AUTS2: variants seen among roughly 807,000 people sequenced by gnomAD.
AUTS2 encodes autism susceptibility gene 2 protein.
Under a neutral mutation model 112.4 loss-of-function variants are expected in AUTS2, and 17 were observed. That is an observed-to-expected ratio of 0.15 (90% CI 0.10 to 0.23). The LOEUF (loss-of-function observed/expected upper bound fraction) is 0.23. Among genes scored for constraint, AUTS2 ranks in the 10% least tolerant of loss-of-function variants. The probability of loss-of-function intolerance (pLI) is 1.00; values close to 1 mark genes in which losing one functional copy is unlikely to be tolerated. For synonymous variants in AUTS2, 751 were observed against 702.7 expected (o/e 1.07, Z -1.09); for missense variants, 1,510 against 1,701.6 (o/e 0.89, Z 1.98).
In AUTS2 at chr7:70,557,249, T is replaced by C. The variant is rs1452040131; in HGVS notation, c.690+121468T>C. ...CCTGCCGGATGCACAATTTTGTTCTTTTCCCTGCTGGCTAGGATTTGCAGG... is the reference window on the plus strand; with the variant it reads ...CCTGCCGGATGCACAATTTTGTTCTCTTCCCTGCTGGCTAGGATTTGCAGG... On this transcript the variant is annotated intron_variant, in intron 5 of 18. Coordinates refer to ENST00000342771, the MANE Select transcript of AUTS2 (RefSeq NM_015570.4). Among the ~76,000 whole-genome samples, 3 of 152,186 alleles carry C rather than the reference T, an allele frequency of 2.0e-5. No individual in the cohort carries two copies. The East Asian group carries it at 5.8e-4, about 29-fold the overall frequency.
chr7:70,644,477 T>C (rs1291253583), intron 5 of AUTS2, among the ~76,000 whole-genome samples: 1 of 152,144 alleles, frequency 6.6e-6, no homozygotes, highest in East Asian at 1.9e-4. Context: ...TGACTGCCAT[T>C]CTGCGCTCTC....
intron 2 of AUTS2, among the ~76,000 whole-genome samples, chr7:70,063,761 G>A (rs1176100969): frequency 6.6e-6 from 1 of 152,114 alleles, no homozygotes; most frequent in African/African-American, 2.4e-5. Context: ...AAGAGCTCAG[G>A]ATCCTGCTCA....
intron 4 of AUTS2, among the ~76,000 whole-genome samples, chr7:70,138,383 G>A (rs1054684508): frequency 6.6e-6 from 1 of 152,200 alleles, no homozygotes; most frequent in African/African-American, 2.4e-5. Context: ...TTGACTCCAT[G>A]TGGAGTTGGG....
At chr7:70,258,971 G>A (rs1039574540) in intron 4 of AUTS2, among the ~76,000 whole-genome samples, 4 of 152,188 alleles carry the variant, frequency 2.6e-5, no homozygotes, top group Admixed American at 2.0e-4. Flanking sequence ...ACCCAGCATC[G>A]GGCCCTCCAG....
chr7:69,722,793 A>C (rs1007575053), intron 1 of AUTS2, among the ~76,000 whole-genome samples: 1 of 152,004 alleles, frequency 6.6e-6, no homozygotes, highest in Non-Finnish European at 1.5e-5. Flanking sequence ...TTTCATTTGA[A>C]ATATTGGGTA....
At chr7:70,007,759 G>C (rs942415826) in intron 2 of AUTS2, among the ~76,000 whole-genome samples, 4 of 152,170 alleles carry the variant, frequency 2.6e-5, no homozygotes, top group African/African-American at 7.2e-5. Flanking sequence ...AGCTCATGCT[G>C]TTTGTCATTT....
At chr7:70,686,866 G>A (rs1342290446) in intron 5 of AUTS2, among the ~76,000 whole-genome samples, 4 of 152,120 alleles carry the variant, frequency 2.6e-5, no homozygotes, top group African/African-American at 9.7e-5. Flanking sequence ...TCATTTATTT[G>A]TTTTTAAATC....
intron 4 of AUTS2, among the ~76,000 whole-genome samples, chr7:70,137,919 C>A (rs6460537): frequency 0.3 from 45,208 of 151,966 alleles, 7,028 homozygotes; most frequent in African/African-American, 0.38. Flanking sequence ...AGGAGCACAG[C>A]TTTTGTATTT....
intron 4 of AUTS2, among the ~76,000 whole-genome samples, chr7:70,351,752 C>T (rs1791777474): frequency 2.0e-5 from 3 of 148,486 alleles, no homozygotes; most frequent in South Asian, 2.2e-4. Context: ...CCCAGGCTGG[C>T]GTGCAGTGGT....
intron 1 of AUTS2, among the ~76,000 whole-genome samples, chr7:69,630,966 T>C (rs1483938219): frequency 1.3e-5 from 2 of 152,170 alleles, no homozygotes; most frequent in Non-Finnish European, 2.9e-5. Flanking sequence ...CCATTTGTTC[T>C]TACTCATTTA....
chr7:70,695,776 C>CA (rs1307999367), intron 5 of AUTS2, among the ~76,000 whole-genome samples: 4 of 151,654 alleles, frequency 2.6e-5, no homozygotes, highest in Non-Finnish European at 5.9e-5. Context: ...TTTTTACATC[C>CA]AAAAAAACAA....
At chr7:69,730,664 C>T (rs1282473271) in intron 1 of AUTS2, among the ~76,000 whole-genome samples, 1 of 152,158 alleles carries the variant, frequency 6.6e-6, no homozygotes, top group African/African-American at 2.4e-5. Flanking sequence ...GCACTTAAGC[C>T]TTCTCTTAAG....
At chr7:69,984,567 T>A (rs556178195) in intron 2 of AUTS2, among the ~76,000 whole-genome samples, 1 of 152,282 alleles carries the variant, frequency 6.6e-6, no homozygotes, top group South Asian at 2.1e-4. Flanking sequence ...ATTATCATAT[T>A]AGCTTCAAGA....
chr7:70,354,159 C>G (rs1791887931), intron 4 of AUTS2, among the ~76,000 whole-genome samples: 1 of 152,206 alleles, frequency 6.6e-6, no homozygotes, highest in African/African-American at 2.4e-5. Context: ...GTCTGGCTTT[C>G]CTTGTGGAGA....
intron 5 of AUTS2, among the ~76,000 whole-genome samples, chr7:70,586,979 G>T (rs1018297189): frequency 6.6e-6 from 1 of 152,168 alleles, no homozygotes; most frequent in Non-Finnish European, 1.5e-5. Flanking sequence ...AGTAGTTTAG[G>T]TCTAATTCCA....
chr7:70,619,051 G>A (rs1001264454), intron 5 of AUTS2, among the ~76,000 whole-genome samples: 62 of 152,204 alleles, frequency 4.1e-4, no homozygotes, highest in African/African-American at 1.3e-3. Context: ...TGTTTTCAAA[G>A]CATGGCTGAA....
rs548893264 is a variant in AUTS2, at chr7:70,749,669, G to A, written c.743-13201G>A. 1.1e-3 allele frequency among the ~76,000 whole-genome samples: 169 copies of A among 152,308 alleles called. 1 individual carries two copies. Among genetic ancestry groups the A allele is most frequent in the African/African-American group, 3.5e-3 (147 of 41,574 alleles). ...TAAGCTAGTCAGGGAGATTGCAGGG[G>A]GTTGGCAGCACCCAGGTCCCCTGGG... is the stretch of plus-strand genomic sequence containing the variant. On this transcript the variant is annotated intron_variant, in intron 6 of 18. Coordinates refer to ENST00000342771, the MANE Select transcript of AUTS2 (RefSeq NM_015570.4).
chr7:70,114,326 C>A (rs920948658), intron 2 of AUTS2, among the ~76,000 whole-genome samples: 1 of 152,186 alleles, frequency 6.6e-6, no homozygotes, highest in Non-Finnish European at 1.5e-5. Flanking sequence ...TCATACAAAT[C>A]AATGCAAGCA....
At chr7:70,158,100 C>T (rs1250216426) in intron 4 of AUTS2, among the ~76,000 whole-genome samples, 1 of 151,984 alleles carries the variant, frequency 6.6e-6, no homozygotes, top group African/African-American at 2.4e-5. Flanking sequence ...AAGTGTGGGG[C>T]CTGGTTATTT....
Sources: gnomAD v4.1 joint callset for allele counts (sites outside exome capture counted in the v4.1 genomes callset) on GRCh38, gnomAD v4.1.1 for gene constraint, MANE v1.5 for transcripts, NCBI Gene and HGNC (gene_info 2026-07-23, HGNC 2026-07-21) for gene names.